Variants in SCAF11 observed in about 807,000 individuals in gnomAD.
SCAF11 encodes the protein SR-related CTD associated factor 11.
SCAF11 carries 47 observed loss-of-function variants against 140.5 expected under a neutral mutation model. That is an observed-to-expected ratio of 0.33 (90% CI 0.26 to 0.43). The LOEUF (loss-of-function observed/expected upper bound fraction) is 0.43, where lower values mean the gene tolerates loss of function less well. Ranked by LOEUF, SCAF11 falls within the 20% of genes least tolerant of loss-of-function variation. The pLI is 1.00. For synonymous variants in SCAF11, 557 were observed against 579.4 expected, an observed-to-expected ratio of 0.96 and a Z score of 0.55; for missense variants, 1,645 against 1,705.1, an observed-to-expected ratio of 0.96 and a Z score of 0.62.
rs775233107 is a variant in SCAF11, at chr12:45,928,280, G to A, written c.1421C>T (p.Ser474Phe). The A allele has an allele frequency of 6.2e-7, 1 of 1,613,808 alleles. No individual in the cohort carries two copies. Among genetic ancestry groups the A allele is most frequent in the African/African-American group, 1.3e-5 (1 of 74,914 alleles). The change falls in exon 11 of 15, where the codon TCT becomes TTT. Residue 474 changes from serine (S) to phenylalanine (F), a missense_variant. Physicochemically the swap from Ser to Phe is radical, Grantham distance 155 (BLOSUM62 -2). Coordinates refer to ENST00000369367, the MANE Select transcript of SCAF11 (RefSeq NM_004719.3). Reference protein sequence around the residue: ...YDTEERVGSSSSESCAQDLPV... With the variant: ...YDTEERVGSSFSESCAQDLPV... The stretch of plus-strand genomic sequence containing the variant: ...AAGATCTTGAGCACAAGACTCAGAA[G>A]ATGAAGATCCTACTCTTTCCTCTGT...
At chr12:45,966,150 A>G (rs1945941104) in intron 1 of SCAF11, among the ~76,000 whole-genome samples, 1 of 152,186 alleles carries the variant, frequency 6.6e-6, no homozygotes, top group African/African-American at 2.4e-5. Context: ...GAAGATGACT[A>G]AAATGGTGAC....
At chr12:45,987,378 T>A (rs1946480824) in intron 1 of SCAF11, among the ~76,000 whole-genome samples, 1 of 152,262 alleles carries the variant, frequency 6.6e-6, no homozygotes, top group Non-Finnish European at 1.5e-5. Context: ...ACAATCACTA[T>A]TTGTAACGTT....
intron 6 of SCAF11, among the ~76,000 whole-genome samples, chr12:45,939,320 G>A (rs1945241701): frequency 6.6e-6 from 1 of 152,054 alleles, no homozygotes; most frequent in Non-Finnish European, 1.5e-5. Flanking sequence ...TTTGATTACT[G>A]TATAACAAAT....
chr12:45,947,418 A>C (rs996331824), intron 5 of SCAF11, among the ~76,000 whole-genome samples: 6 of 152,348 alleles, frequency 3.9e-5, no homozygotes, highest in African/African-American at 1.4e-4. Flanking sequence ...TATATTTAAA[A>C]AAATGTTTTA....
chr12:45,991,608 G>T (rs987829514), upstream of SCAF11, among the ~76,000 whole-genome samples: 30 of 152,156 alleles, frequency 2.0e-4, no homozygotes, highest in African/African-American at 6.5e-4. Context: ...AGGCCTCCGC[G>T]TTGTGGTTAG....
chr12:45,922,846 T>C, intron 13 of SCAF11, 90 bp downstream of exon 13: 4 of 1,204,352 alleles, frequency 3.3e-6, no homozygotes, highest in Non-Finnish European at 4.8e-6. Context: ...AATAAGAAAT[T>C]CCCTTCACCA....
upstream of SCAF11, chr12:45,991,787 C>T: frequency 1.1e-6 from 1 of 905,024 alleles, no homozygotes; most frequent in Middle Eastern, 4.8e-4. Context: ...CCCTCAGTGT[C>T]CCCCATCTAC....
chr12:45,981,758 G>A (rs1392564169), intron 1 of SCAF11, among the ~76,000 whole-genome samples: 1 of 152,098 alleles, frequency 6.6e-6, no homozygotes, highest in Admixed American at 6.6e-5. Context: ...CCATCCCATA[G>A]CATTCCAGCC....
At chr12:45,971,804 TA>T (rs775871667) in intron 1 of SCAF11, among the ~76,000 whole-genome samples, 54 of 152,130 alleles carry the variant, frequency 3.5e-4, no homozygotes, top group Non-Finnish European at 5.7e-4. Flanking sequence ...AGCAGGAACC[TA>T]AAACTCTTAA....
chr12:45,986,730 G>A (rs1248463554), intron 1 of SCAF11, among the ~76,000 whole-genome samples: 7 of 152,096 alleles, frequency 4.6e-5, no homozygotes, highest in Non-Finnish European at 8.8e-5. Flanking sequence ...AATCATGGGG[G>A]CAGTTTCCCC....
chr12:45,976,043 T>C (rs889056305), intron 1 of SCAF11, among the ~76,000 whole-genome samples: 5 of 152,126 alleles, frequency 3.3e-5, no homozygotes, highest in African/African-American at 1.2e-4. Flanking sequence ...CTTCAATTTG[T>C]AAAATATGCA....
At chr12:45,938,893 T>C (rs889161821) in intron 6 of SCAF11, among the ~76,000 whole-genome samples, 2 of 149,112 alleles carry the variant, frequency 1.3e-5, no homozygotes, top group East Asian at 2.0e-4. Context: ...CTGTAAACTA[T>C]ATCAATTATA....
At chr12:45,973,948 A>T (rs559708798) in intron 1 of SCAF11, among the ~76,000 whole-genome samples, 57 of 152,208 alleles carry the variant, frequency 3.7e-4, no homozygotes, top group Non-Finnish European at 7.5e-4. Context: ...GAATTCTTTA[A>T]AATAGGTTTG....
intron 3 of SCAF11, chr12:45,961,433 C>A: frequency 1.6e-6 from 1 of 628,474 alleles, no homozygotes; most frequent in Non-Finnish European, 2.9e-6. Context: ...TGCATTTCTA[C>A]CAGAAAAAAA....
rs754027694 is a variant in SCAF11 at position 45,927,802 on chromosome 12, T to C, written c.1899A>G (p.Gln633=). 45 of 1,613,772 alleles carry C rather than the reference T, an allele frequency of 2.8e-5. No individual in the cohort carries two copies. The highest frequency in any genetic ancestry group is 4.5e-5 in the East Asian group (2 of 44,882). Residue 633 remains glutamine, a synonymous_variant, in exon 11 of 15, where the codon CAA becomes CAG. Coordinates refer to ENST00000369367, the MANE Select transcript of SCAF11 (RefSeq NM_004719.3). Reference sequence around the variant, plus strand: ...CTTCAGTTTCAACATGCCCAAGCAATTGAACCTCTGGGCTCTTAACAGATT... The same window carrying C: ...CTTCAGTTTCAACATGCCCAAGCAACTGAACCTCTGGGCTCTTAACAGATT... ...DRQSVKSPEV[Q]LLGHVETEDV... is the part of the protein sequence containing the mutation.
intron 1 of SCAF11, among the ~76,000 whole-genome samples, chr12:45,972,979 G>GATATATATATAGATAT (rs1219143125): frequency 1.6e-5 from 2 of 128,358 alleles, no homozygotes; most frequent in African/African-American, 7.3e-5. Context: ...TAGATATATA[G>GATATATATATAGATAT]ATATATAGAT....
At chr12:45,971,865 A>G (rs939583351) in intron 1 of SCAF11, among the ~76,000 whole-genome samples, 8 of 152,164 alleles carry the variant, frequency 5.3e-5, no homozygotes, top group African/African-American at 1.9e-4. Flanking sequence ...CTCTGGGCCA[A>G]TCTTGTTGAC....
intron 1 of SCAF11, among the ~76,000 whole-genome samples, chr12:45,981,399 G>A (rs993868885): frequency 6.6e-6 from 1 of 152,116 alleles, no homozygotes; most frequent in African/African-American, 2.4e-5. Flanking sequence ...AAATAACCCT[G>A]ATATTAATCC....
intron 1 of SCAF11, among the ~76,000 whole-genome samples, chr12:45,977,862 A>C (rs1003962232): frequency 6.6e-6 from 1 of 152,144 alleles, no homozygotes; most frequent in Non-Finnish European, 1.5e-5. Flanking sequence ...ACAGACACAG[A>C]GATTAAAAAC....
Sources: gnomAD v4.1 joint callset for allele counts (sites outside exome capture counted in the v4.1 genomes callset) on GRCh38, gnomAD v4.1.1 for gene constraint, MANE v1.5 for transcripts, NCBI Gene and HGNC (gene_info 2026-07-23, HGNC 2026-07-21) for gene names.